The following ADAM22 variants were observed in gnomAD, a reference collection of about 807,000 sequenced individuals.
The protein encoded by ADAM22 is disintegrin and metalloproteinase domain-containing protein 22.
In ADAM22, 65 loss-of-function variants were observed where a neutral mutation model predicts 144.6. The ratio of observed to expected loss-of-function variants is 0.45; its 90% CI spans 0.37 to 0.55. The LOEUF is 0.55. Among genes scored for constraint, ADAM22 ranks in the 20% least tolerant of loss-of-function variants. The pLI, the probability that ADAM22 is intolerant of heterozygous loss-of-function variation, is 0.00. For missense variants in ADAM22, 974 were observed against 1,184.9 expected, an observed-to-expected ratio of 0.82 and a Z score of 2.61; for synonymous variants, 391 against 412.6, an observed-to-expected ratio of 0.95 and a Z score of 0.63.
intron 2 of ADAM22, among the ~76,000 whole-genome samples, chr7:87,951,323 G>A (rs1317304934): frequency 7.5e-6 from 1 of 134,008 alleles, no homozygotes; most frequent in Non-Finnish European, 1.6e-5. Flanking sequence ...TGTATAAGAT[G>A]TAAGGAAGGG....
At chr7:88,106,019 GTC>G (rs1242206168) in intron 4 of ADAM22, among the ~76,000 whole-genome samples, 1 of 152,142 alleles carries the variant, frequency 6.6e-6, no homozygotes, top group Non-Finnish European at 1.5e-5. Context: ...GGCACGGGCA[GTC>G]TCTGTAATTT....
intron 2 of ADAM22, among the ~76,000 whole-genome samples, chr7:87,953,145 G>T (rs1299475812): frequency 6.6e-6 from 1 of 151,156 alleles, no homozygotes; most frequent in African/African-American, 2.4e-5. Flanking sequence ...ATTTCCTTTA[G>T]TTCTGCTCTG....
chr7:88,048,311 A>G (rs1027952904), intron 3 of ADAM22, among the ~76,000 whole-genome samples: 6 of 152,130 alleles, frequency 3.9e-5, no homozygotes, highest in Non-Finnish European at 7.4e-5. Context: ...CTGTTATTAT[A>G]TGAATATCCT....
chr7:88,183,458 C>A (rs1018674835), intron 29 of ADAM22, among the ~76,000 whole-genome samples: 1 of 152,034 alleles, frequency 6.6e-6, no homozygotes. Context: ...TATGTTAAAG[C>A]TATGAGCTTA....
chr7:88,168,721 T>A (rs1376303458), intron 25 of ADAM22, among the ~76,000 whole-genome samples: 1 of 152,178 alleles, frequency 6.6e-6, no homozygotes, highest in Admixed American at 6.6e-5. Context: ...CTAATTTAAG[T>A]TTAATAAGTT....
At chr7:87,935,301 T>G in intron 2 of ADAM22, 115 bp downstream of exon 2, 3 of 1,225,724 alleles carry the variant, frequency 2.4e-6, no homozygotes, top group Non-Finnish European at 3.3e-6. Flanking sequence ...ATGAGTTGGG[T>G]CCCGATGCGA....
At chr7:88,137,776 A>T (rs1178561154) in intron 14 of ADAM22, among the ~76,000 whole-genome samples, 4 of 152,134 alleles carry the variant, frequency 2.6e-5, no homozygotes, top group Non-Finnish European at 5.9e-5. Flanking sequence ...ATATTTCTTG[A>T]TTGTGTTTGA....
intron 3 of ADAM22, among the ~76,000 whole-genome samples, chr7:88,019,855 ATATGTG>A (rs1408356224): frequency 7.6e-5 from 10 of 132,368 alleles, no homozygotes; most frequent in African/African-American, 3.1e-4. Flanking sequence ...ATCTCAAAAA[ATATGTG>A]TGTGTGTGTG....
Position 88,179,097 on chromosome 7 carries a change from C to T in ADAM22, c.2463C>T (p.Ser821=). 3 of 1,357,102 alleles carry T rather than the reference C, an allele frequency of 2.2e-6. No homozygotes were observed. The highest frequency in any genetic ancestry group is 3.2e-6 in the Non-Finnish European group (3 of 948,472). The allele number at this position is 1,357,102 out of a possible 1,614,324, so 84.1% of individuals were successfully genotyped here. Residue 821 remains serine, a synonymous_variant, in exon 27 of 32, where the codon TCC becomes TCT. Transcript: ENST00000413139. The stretch of plus-strand genomic sequence containing the variant: ...CTACCTGTTCCATCACACATTATTC[C>T]ATTAGTCAGAACATTTCATTATTTT... ...QISTCSITHY[S]ISQNISLFCS...
At chr7:88,010,053 G>T (rs1795008136) in intron 3 of ADAM22, among the ~76,000 whole-genome samples, 1 of 150,372 alleles carries the variant, frequency 6.7e-6, no homozygotes, top group African/African-American at 2.5e-5. Flanking sequence ...AATATAAATA[G>T]AACCATGTGA....
intron 2 of ADAM22, among the ~76,000 whole-genome samples, chr7:87,959,000 AG>A: frequency 6.6e-6 from 1 of 152,200 alleles, no homozygotes; most frequent in South Asian, 2.1e-4. Context: ...TATCCTATTT[AG>A]ATCCTTAATG....
chr7:87,935,481 A>C (rs1841028239), intron 2 of ADAM22, among the ~76,000 whole-genome samples: 1 of 152,184 alleles, frequency 6.6e-6, no homozygotes, highest in African/African-American at 2.4e-5. Flanking sequence ...GTCAAGCAAA[A>C]GCCAGGCATG....
chr7:87,981,187 C>T (rs945892218), intron 3 of ADAM22, among the ~76,000 whole-genome samples: 2 of 152,076 alleles, frequency 1.3e-5, no homozygotes, highest in Admixed American at 6.6e-5. Context: ...CACACATAGT[C>T]CCCCAACAAA....
At chr7:88,167,704 C>A (rs1843275521) in intron 24 of ADAM22, among the ~76,000 whole-genome samples, 1 of 152,244 alleles carries the variant, frequency 6.6e-6, no homozygotes, top group South Asian at 2.1e-4. Context: ...TTGAGAGAGA[C>A]AAAATATAAC....
chr7:88,113,117 CTCTT>C, intron 5 of ADAM22, among the ~76,000 whole-genome samples: 1 of 130,690 alleles, frequency 7.7e-6, no homozygotes, highest in East Asian at 2.7e-4. Context: ...CCTGCCTGCC[CTCTT>C]TTTTTTTTTT....
intron 2 of ADAM22, among the ~76,000 whole-genome samples, chr7:87,966,316 A>G (rs1393331143): frequency 2.0e-5 from 3 of 152,216 alleles, no homozygotes; most frequent in Admixed American, 6.5e-5. Context: ...CGATACAACT[A>G]TACTATATTG....
At chr7:88,028,184 T>C (rs1799456168) in intron 3 of ADAM22, among the ~76,000 whole-genome samples, 1 of 152,218 alleles carries the variant, frequency 6.6e-6, no homozygotes, top group Admixed American at 6.5e-5. Context: ...TGTCTTGCCA[T>C]TGTCACTTAT....
At chr7:88,151,180 C>T (rs1838245273) in intron 19 of ADAM22, 77 bp from the exon 20 acceptor site, 1 of 1,576,550 alleles carries the variant, frequency 6.3e-7, no homozygotes, top group African/African-American at 1.4e-5. Context: ...TTATTTTTCC[C>T]AATCATAGTT....
At chr7:87,962,255 A>G (rs1003462445) in intron 2 of ADAM22, among the ~76,000 whole-genome samples, 1 of 152,210 alleles carries the variant, frequency 6.6e-6, no homozygotes, top group Admixed American at 6.5e-5. Context: ...CCTGACAACT[A>G]CTTTTCACTT....
Sources: gnomAD v4.1 joint callset for allele counts (sites outside exome capture counted in the v4.1 genomes callset) on GRCh38, gnomAD v4.1.1 for gene constraint, MANE v1.5 for transcripts, NCBI Gene and HGNC (gene_info 2026-07-23, HGNC 2026-07-21) for gene names.